The following FIG4 variants were observed in gnomAD, a reference collection of about 807,000 sequenced individuals.
FIG4 encodes polyphosphoinositide phosphatase.
A neutral mutation model predicts 118.6 loss-of-function variants in FIG4; 112 were observed. That is an observed-to-expected ratio of 0.94 (90% CI 0.81 to 1.11). FIG4 has a LOEUF of 1.11. Ranked by LOEUF, FIG4 falls within the 50% of genes least tolerant of loss-of-function variation. The pLI is 0.00. For missense variants in FIG4, 969 were observed against 1,111.7 expected, an observed-to-expected ratio of 0.87 and a Z score of 1.83; for synonymous variants, 369 against 381.2, an observed-to-expected ratio of 0.97 and a Z score of 0.37.
intron 13 of FIG4, 57 bp downstream of exon 13, chr6:109,764,039 T>C (rs1777197249): frequency 1.8e-6 from 2 of 1,124,992 alleles, no homozygotes; most frequent in Non-Finnish European, 2.7e-6. Flanking sequence ...GTGTACTGTA[T>C]GTTTTCTGTA....
At chr6:109,771,894 T>A (rs886469973) in intron 15 of FIG4, among the ~76,000 whole-genome samples, 1 of 152,188 alleles carries the variant, frequency 6.6e-6, no homozygotes, top group Non-Finnish European at 1.5e-5. Flanking sequence ...ATCATTGCCA[T>A]TAACATAAAA....
chr6:109,732,708 G>T, intron 5 of FIG4, 21 bp downstream of exon 5: 2 of 1,473,662 alleles, frequency 1.4e-6, no homozygotes, highest in Non-Finnish European at 9.4e-7. Context: ...GGTTAGTTTT[G>T]CTCCTATCAA....
intron 1 of FIG4, among the ~76,000 whole-genome samples, chr6:109,709,623 C>A (rs746791571): frequency 6.6e-6 from 1 of 152,158 alleles, no homozygotes; most frequent in Non-Finnish European, 1.5e-5. Flanking sequence ...TTATTTGTGT[C>A]ATCTCTGATT....
intron 1 of FIG4, among the ~76,000 whole-genome samples, chr6:109,694,107 TA>T (rs1296207580): frequency 6.6e-6 from 1 of 152,178 alleles, no homozygotes; most frequent in Non-Finnish European, 1.5e-5. Flanking sequence ...ATCATGCTGT[TA>T]ATTCTACTAC....
At chr6:109,732,559 G>A in intron 4 of FIG4, 78 bp from the exon 5 acceptor site, 1 of 771,820 alleles carries the variant, frequency 1.3e-6, no homozygotes, top group Non-Finnish European at 2.3e-6. Context: ...AAATATAAAT[G>A]TACATATGGG....
At chr6:109,697,530 A>G (rs1386181010) in intron 1 of FIG4, among the ~76,000 whole-genome samples, 1 of 152,152 alleles carries the variant, frequency 6.6e-6, no homozygotes, top group Admixed American at 6.5e-5. Context: ...GTCTGTCCTT[A>G]TAATGTGGTA....
At chr6:109,776,639 T>C (rs1290063926) in intron 15 of FIG4, among the ~76,000 whole-genome samples, 1 of 152,210 alleles carries the variant, frequency 6.6e-6, no homozygotes, top group Non-Finnish European at 1.5e-5. Context: ...CTATCTGAGT[T>C]CTTAAAGATG....
chr6:109,824,953 G>T (rs778290730), intron 22 of FIG4, 135 bp from the exon 23 acceptor site: 13 of 787,894 alleles, frequency 1.6e-5, no homozygotes, highest in Non-Finnish European at 2.6e-5. Context: ...GGACTGGGGA[G>T]GTCATCCCAG....
rs149608939 is a variant in FIG4, at chr6:109,743,846, TAAC to T, written c.1137+77_1137+79del. 293,973 of 1,008,830 alleles carry T rather than the reference TAAC, an allele frequency of 0.29. 47,610 individuals carry two copies. The highest frequency in any genetic ancestry group is 0.35 in the Non-Finnish European group (222,284 of 634,776). 62.5% of individuals were successfully genotyped at this position (1,008,830 alleles called of 1,614,324 possible). A position where few individuals can be genotyped will look rare whatever the true frequency, so the allele number is the denominator to read the frequency against. ...GCCTCTTCCTCAACACAGAGGGGGT[TAAC>T]AAGCCATGCTTTCCCTCTTCCTAGT... On this transcript the variant is annotated intron_variant, in intron 10 of 22. Coordinates refer to ENST00000230124, the MANE Select transcript of FIG4 (RefSeq NM_014845.6).
intron 22 of FIG4, among the ~76,000 whole-genome samples, chr6:109,823,518 C>A (rs1427569556): frequency 6.6e-6 from 1 of 152,148 alleles, no homozygotes; most frequent in African/African-American, 2.4e-5. Context: ...ATTAAAAAGA[C>A]CCACATTTAA....
At chr6:109,767,117 TAG>T (rs1777303233) in intron 15 of FIG4, among the ~76,000 whole-genome samples, 2 of 152,342 alleles carry the variant, frequency 1.3e-5, no homozygotes, top group Admixed American at 1.3e-4. Flanking sequence ...CACCCATAAT[TAG>T]AGTTTTTATA....
intron 3 of FIG4, among the ~76,000 whole-genome samples, chr6:109,724,600 A>G (rs929032170): frequency 6.6e-6 from 1 of 152,096 alleles, no homozygotes; most frequent in African/African-American, 2.4e-5. Context: ...TTTAGTTTTT[A>G]TCTTTCAGCC....
chr6:109,732,912 G>A (rs559952608), intron 5 of FIG4, among the ~76,000 whole-genome samples: 8 of 152,022 alleles, frequency 5.3e-5, no homozygotes, highest in East Asian at 3.9e-4. Context: ...AAAAATCATC[G>A]TTGTTTTAGG....
At chr6:109,748,845 C>A (rs767076986) in intron 10 of FIG4, among the ~76,000 whole-genome samples, 2 of 152,044 alleles carry the variant, frequency 1.3e-5, no homozygotes, top group Non-Finnish European at 2.9e-5. Context: ...ACCACAAGAA[C>A]GGTATGGGGG....
chr6:109,795,207 C>T (rs932598115), intron 21 of FIG4, among the ~76,000 whole-genome samples: 2 of 139,916 alleles, frequency 1.4e-5, no homozygotes, highest in Non-Finnish European at 3.0e-5. Context: ...TCACTGCAAG[C>T]TCCGCTTCCG....
At chr6:109,824,833 G>C (rs1256701491) in intron 22 of FIG4, among the ~76,000 whole-genome samples, 1 of 152,180 alleles carries the variant, frequency 6.6e-6, no homozygotes, top group Non-Finnish European at 1.5e-5. Flanking sequence ...TGTACACAGA[G>C]ATGTGGAAAC....
chr6:109,716,679 C>T, intron 3 of FIG4, 111 bp downstream of exon 3: 1 of 1,282,710 alleles, frequency 7.8e-7, no homozygotes, highest in Non-Finnish European at 1.1e-6. Flanking sequence ...TTATAATTAC[C>T]TGTAGCTTTG....
chr6:109,805,125 C>T (rs1205669067), intron 22 of FIG4, among the ~76,000 whole-genome samples: 1 of 152,112 alleles, frequency 6.6e-6, no homozygotes, highest in East Asian at 1.9e-4. Flanking sequence ...AGCAGAATCC[C>T]TTGATATTCC....
chr6:109,791,930 T>A (rs977608865), intron 20 of FIG4, among the ~76,000 whole-genome samples: 2 of 152,164 alleles, frequency 1.3e-5, no homozygotes, highest in African/African-American at 4.8e-5. Flanking sequence ...ATGGCTGCAA[T>A]GGGAAATTCA....
Sources: allele counts gnomAD v4.1 joint callset (sites outside exome capture counted in the v4.1 genomes callset), GRCh38; gene constraint gnomAD v4.1.1; transcripts MANE v1.5; gene names NCBI Gene and HGNC (gene_info 2026-07-23, HGNC 2026-07-21).